Variants in RAB40B observed in about 807,000 individuals in gnomAD.
The protein encoded by RAB40B is RAB40B, member RAS oncogene family, also known as ras-related protein Rab-40B.
In RAB40B, 21 loss-of-function variants were observed where a neutral mutation model predicts 24.0. The ratio of observed to expected loss-of-function variants is 0.88; its 90% CI spans 0.62 to 1.26. RAB40B has a LOEUF of 1.26. Among genes scored for constraint, RAB40B ranks in the 50% most tolerant of loss-of-function variants. The pLI, the probability that RAB40B is intolerant of heterozygous loss-of-function variation, is 0.00. For synonymous variants in RAB40B, 167 were observed against 169.8 expected (o/e 0.98, Z 0.13); for missense variants, 348 against 390.5 (o/e 0.89, Z 0.92).
intron 1 of RAB40B, among the ~76,000 whole-genome samples, chr17:82,669,378 G>A (rs891991014): frequency 4.6e-5 from 7 of 152,034 alleles, no homozygotes; most frequent in African/African-American, 1.7e-4. Context: ...AGGAGGCTGA[G>A]GCAGGAGAAT....
intron 1 of RAB40B, among the ~76,000 whole-genome samples, chr17:82,670,991 TTAAAA>T (rs1225097822): frequency 1.3e-5 from 2 of 152,030 alleles, no homozygotes; most frequent in African/African-American, 4.8e-5. Flanking sequence ...TTTTAATCCT[TTAAAA>T]TAACTTCTTT....
At chr17:82,678,343 C>T (rs970407077) in intron 1 of RAB40B, among the ~76,000 whole-genome samples, 1 of 152,134 alleles carries the variant, frequency 6.6e-6, no homozygotes, top group African/African-American at 2.4e-5. Flanking sequence ...ATATACAAAG[C>T]TTCTAGAACA....
At chr17:82,664,074 G>A (rs936731582) in intron 2 of RAB40B, among the ~76,000 whole-genome samples, 32 of 137,816 alleles carry the variant, frequency 2.3e-4, no homozygotes, top group Non-Finnish European at 3.5e-4. Context: ...GTGGTGGGGG[G>A]AGGGTGCTCC....
At position 82,664,776 on chromosome 17, in the gene RAB40B, T is replaced by TG; in HGVS notation, c.143-221dup. On this transcript the variant is annotated intron_variant, in intron 1 of 5. Transcript: ENST00000571995. ...CTGTCCTCAGCCGCCTTGGCCTCTG[T>TG]GGGGGTCAGGCTCGCATCACCCTGG... 3 of 523,554 alleles carry TG rather than the reference T, an allele frequency of 5.7e-6. No individual in the cohort carries two copies. In the East Asian group the frequency reaches 9.9e-5, roughly 17 times the overall value. The allele number at this position is 523,554 out of a possible 1,614,324, so 32.4% of individuals were successfully genotyped here.
At chr17:82,662,164 A>T in intron 2 of RAB40B, 1 of 985,454 alleles carries the variant, frequency 1.0e-6, no homozygotes, top group Non-Finnish European at 1.2e-6. Flanking sequence ...TCAGCACGAG[A>T]GAGAAGGGCC....
chr17:82,669,335 C>T (rs889848597), intron 1 of RAB40B, among the ~76,000 whole-genome samples: 3 of 152,014 alleles, frequency 2.0e-5, no homozygotes, highest in Admixed American at 6.6e-5. Context: ...ATTAGCCGGG[C>T]GTGGTGGCGG....
chr17:82,689,734 C>T lies in RAB40B; in HGVS notation c.142+8721G>A, dbSNP rs577008495. On this transcript the variant is annotated intron_variant, in intron 1 of 5. Transcript: ENST00000571995. ...CTGTAATCCCAGCACTTTCGGAGGC[C>T]AAGGCGGGTGGATCACGAGGTCAGG... 5.2e-4 allele frequency among the ~76,000 whole-genome samples: 79 copies of T among 152,070 alleles called. 2 individuals carry two copies. In the South Asian group the frequency reaches 0.016, roughly 31 times the overall value.
chr17:82,686,198 G>A (rs534502782), intron 1 of RAB40B, among the ~76,000 whole-genome samples: 121 of 146,470 alleles, frequency 8.3e-4, no homozygotes, highest in South Asian at 1.8e-3. Context: ...TGAAACCTCC[G>A]CTTCCGGGGT....
chr17:82,690,300 T>C (rs977951570), intron 1 of RAB40B, among the ~76,000 whole-genome samples: 10 of 148,808 alleles, frequency 6.7e-5, no homozygotes, highest in Non-Finnish European at 1.2e-4. Context: ...ATCTGCAGAA[T>C]TGGAGGGAGA....
chr17:82,672,991 G>T (rs1403435277), intron 1 of RAB40B, among the ~76,000 whole-genome samples: 6 of 152,150 alleles, frequency 3.9e-5, no homozygotes, highest in Admixed American at 2.6e-4. Context: ...ATCATCTGAG[G>T]TCAGGAGTTT....
At chr17:82,661,171 G>A in intron 2 of RAB40B, 124 bp from the exon 3 acceptor site, 3 of 1,481,246 alleles carry the variant, frequency 2.0e-6, no homozygotes, top group Middle Eastern at 1.9e-4. Flanking sequence ...CACGCCGCCA[G>A]CGTGAGACCC....
chr17:82,666,217 C>T (rs985715339), intron 1 of RAB40B, among the ~76,000 whole-genome samples: 1 of 151,886 alleles, frequency 6.6e-6, no homozygotes, highest in Non-Finnish European at 1.5e-5. Context: ...GCTGGGATTA[C>T]AGGCATGAAC....
At chr17:82,685,012 G>T (rs2046483379) in intron 1 of RAB40B, among the ~76,000 whole-genome samples, 1 of 151,668 alleles carries the variant, frequency 6.6e-6, no homozygotes, top group Non-Finnish European at 1.5e-5. Context: ...TACTCAGGAG[G>T]CTGAGGCAGG....
chr17:82,658,151 T>C lies in RAB40B; in HGVS notation c.566-17A>G, dbSNP rs530473639. On this transcript the variant is annotated splice_polypyrimidine_tract_variant and intron_variant, in intron 5 of 5. Coordinates refer to ENST00000571995, the MANE Select transcript of RAB40B (RefSeq NM_006822.3). ...AGCTCAGCACTTGGGAGAGAAAAGA[T>C]AAACCTTGCTTAGTGGATGTCCCCA... is the stretch of plus-strand genomic sequence containing the variant. 68 of 1,608,040 alleles carry C rather than the reference T, an allele frequency of 4.2e-5. 1 individual carries two copies. In the East Asian group the frequency reaches 1.4e-3, roughly 33 times the overall value.
chr17:82,697,962 G>A lies in RAB40B; in HGVS notation c.142+493C>T, dbSNP rs1482022583. The stretch of plus-strand genomic sequence containing the variant: ...CCCCTCCGACCCACGCGCAGACCCA[G>A]CACCTGGGCGCCTGCTCGCCGCGCT... On this transcript the variant is annotated intron_variant, in intron 1 of 5. Transcript: ENST00000571995. This position sits in a 1 kb window ranked among gnomAD's most constrained non-coding sequence, Gnocchi z 4.9. Among the ~76,000 whole-genome samples the A allele has an allele frequency of 6.6e-6, 1 of 151,820 alleles. No individual in the cohort carries two copies. Among genetic ancestry groups the A allele is most frequent in the Non-Finnish European group, 1.5e-5 (1 of 67,930 alleles).
At position 82,664,320 on chromosome 17, in the gene RAB40B, G is replaced by A. The variant is rs551108074; in HGVS notation, c.203+176C>T. 5.0e-5 allele frequency among the ~76,000 whole-genome samples: 7 copies of A among 140,022 alleles called. No homozygotes were observed. The South Asian group carries it at 6.9e-4, about 14-fold the overall frequency. 91.9% of individuals were successfully genotyped at this position (140,022 alleles called of 152,430 possible). The stretch of plus-strand genomic sequence containing the variant: ...TGTGCTGATGGTGGTGGGGCTGGTG[G>A]TGCTCCCCGGGGTGCTGTGCCGACG... On this transcript the variant is annotated intron_variant, in intron 2 of 5. Transcript: ENST00000571995.
intron 2 of RAB40B, 152 bp downstream of exon 2, chr17:82,664,344 C>T (rs536919456): frequency 6.8e-5 from 39 of 577,004 alleles, no homozygotes; most frequent in African/African-American, 2.7e-4. Flanking sequence ...GCTGTGCCGA[C>T]GGTGGTGGTG....
Position 82,698,464 on chromosome 17 carries a change from G to A in RAB40B, c.133C>T (p.His45Tyr). 2 of 1,469,634 alleles carry A rather than the reference G, an allele frequency of 1.4e-6. No individual in the cohort carries two copies. Among genetic ancestry groups the A allele is most frequent in the Non-Finnish European group, 1.8e-6 (2 of 1,099,490 alleles). The allele number at this position is 1,469,634 out of a possible 1,614,324, so 91.0% of individuals were successfully genotyped here. A position where few individuals can be genotyped will look rare whatever the true frequency, so the allele number is the denominator to read the frequency against. ...CTCCGCCCGCGCTCACCCGCCGGGT[G>A]GCCGTACGGGGACTCGGCCGCGCCA... ...QDGAAESPYG[H>Y]PAGIDYKTTT... The change falls in exon 1 of 6, where the codon CAC (histidine) becomes TAC (tyrosine). Residue 45 changes from histidine to tyrosine, a missense_variant. By Grantham distance (83) the His-to-Tyr change is moderately conservative. Coordinates refer to ENST00000571995, the MANE Select transcript of RAB40B (RefSeq NM_006822.3).
chr17:82,687,198 C>T (rs539140144), intron 1 of RAB40B, among the ~76,000 whole-genome samples: 159 of 152,194 alleles, frequency 1.0e-3, no homozygotes, highest in African/African-American at 3.4e-3. Flanking sequence ...CTCAAACATA[C>T]GTGGCCTCCT....
Sources: gnomAD v4.1 joint callset for allele counts (sites outside exome capture counted in the v4.1 genomes callset) on GRCh38, gnomAD v4.1.1 for gene constraint, Gnocchi (gnomAD v3.1) non-coding constraint, MANE v1.5 for transcripts, NCBI Gene and HGNC (gene_info 2026-07-23, HGNC 2026-07-21) for gene names.